AGBL4: variants seen among roughly 807,000 people sequenced by gnomAD.
The protein encoded by AGBL4 is cytosolic carboxypeptidase 6.
Under a neutral mutation model 66.4 loss-of-function variants are expected in AGBL4, and 58 were observed. That is an observed-to-expected ratio of 0.87 (90% CI 0.71 to 1.09). The LOEUF is 1.09. AGBL4 is among the 50% of genes least tolerant of loss of function. AGBL4 has a pLI of 0.00. For synonymous variants in AGBL4, 234 were observed against 222.9 expected (o/e 1.05, Z -0.44); for missense variants, 579 against 631.0 (o/e 0.92, Z 0.88).
intron 5 of AGBL4, among the ~76,000 whole-genome samples, chr1:49,029,360 G>C (rs1347393585): frequency 6.6e-6 from 1 of 152,028 alleles, no homozygotes; most frequent in Non-Finnish European, 1.5e-5. Context: ...GGTTCAGAAA[G>C]GTTGCAGAAT....
chr1:49,103,618 C>T (rs1645241726), intron 4 of AGBL4, among the ~76,000 whole-genome samples: 1 of 152,130 alleles, frequency 6.6e-6, no homozygotes, highest in South Asian at 2.1e-4. Context: ...TCTCACATCT[C>T]TCTGTTCATT....
chr1:48,602,110 A>G (rs534653651), intron 9 of AGBL4, among the ~76,000 whole-genome samples: 1 of 152,266 alleles, frequency 6.6e-6, no homozygotes, highest in African/African-American at 2.4e-5. Context: ...TGTGGCCTGA[A>G]TGCTTGGGGA....
At chr1:49,757,217 T>C (rs991381468) in intron 2 of AGBL4, among the ~76,000 whole-genome samples, 6 of 152,182 alleles carry the variant, frequency 3.9e-5, no homozygotes, top group African/African-American at 1.2e-4. Context: ...CCTTCTGCCA[T>C]GATTGTATAT....
intron 3 of AGBL4, among the ~76,000 whole-genome samples, chr1:49,536,357 T>G (rs1651581994): frequency 6.6e-6 from 1 of 152,160 alleles, no homozygotes; most frequent in South Asian, 2.1e-4. Context: ...AATTTTTATC[T>G]GTGTGTGTGC....
chr1:49,828,117 C>G (rs1308850364), intron 2 of AGBL4, among the ~76,000 whole-genome samples: 2 of 151,422 alleles, frequency 1.3e-5, no homozygotes, highest in Non-Finnish European at 2.9e-5. Flanking sequence ...GGCTAATAAC[C>G]AATGCAGTAA....
At chr1:48,794,084 G>A (rs1177152274) in intron 6 of AGBL4, among the ~76,000 whole-genome samples, 2 of 152,210 alleles carry the variant, frequency 1.3e-5, no homozygotes, top group African/African-American at 4.8e-5. Context: ...GTTTGAAAAG[G>A]TGGTTTTTGT....
intron 6 of AGBL4, among the ~76,000 whole-genome samples, chr1:48,821,562 G>T (rs12037154): frequency 0.5 from 76,219 of 151,958 alleles, 21,257 homozygotes; most frequent in Non-Finnish European, 0.64. Flanking sequence ...TGGATATAAA[G>T]ATGAAAATAA....
intron 3 of AGBL4, among the ~76,000 whole-genome samples, chr1:49,689,875 A>C (rs980772395): frequency 6.6e-6 from 1 of 152,176 alleles, no homozygotes; most frequent in African/African-American, 2.4e-5. Context: ...GACTGACTCC[A>C]ATTTTGAAAG....
chr1:48,880,157 A>C (rs1649641051), intron 5 of AGBL4, among the ~76,000 whole-genome samples: 1 of 152,062 alleles, frequency 6.6e-6, no homozygotes, highest in African/African-American at 2.4e-5. Context: ...CCATTGTGTC[A>C]TTGTTATCCC....
intron 3 of AGBL4, among the ~76,000 whole-genome samples, chr1:49,384,356 G>A (rs7530394): frequency 0.61 from 91,804 of 151,518 alleles, 28,495 homozygotes; most frequent in Non-Finnish European, 0.67. Context: ...CATTTTGGGA[G>A]GTCGAGGCGG....
chr1:48,940,239 G>A (rs560012161), intron 5 of AGBL4, among the ~76,000 whole-genome samples: 15 of 152,264 alleles, frequency 9.9e-5, no homozygotes, highest in African/African-American at 3.4e-4. Flanking sequence ...TTAGTGGGGC[G>A]TGGTGGCACA....
At chr1:49,396,304 A>T (rs1288511310) in intron 3 of AGBL4, among the ~76,000 whole-genome samples, 1 of 151,316 alleles carries the variant, frequency 6.6e-6, no homozygotes, top group Non-Finnish European at 1.5e-5. Context: ...ACTTCTAAGT[A>T]CCAAAAAATA....
At chr1:48,613,082 C>T (rs995915190) in intron 9 of AGBL4, among the ~76,000 whole-genome samples, 7 of 151,858 alleles carry the variant, frequency 4.6e-5, no homozygotes, top group Non-Finnish European at 7.4e-5. Flanking sequence ...TGCAGTGAAC[C>T]GAGATTGCAC....
Position 49,128,635 on chromosome 1 carries a change from C to T in AGBL4, c.378-82835G>A, listed in dbSNP as rs575867707. On this transcript the variant is annotated intron_variant, in intron 4 of 13. Coordinates refer to ENST00000371839, the MANE Select transcript of AGBL4 (RefSeq NM_032785.4). ...ATAAGGAAAGGATTGTTCCTTCAAC[C>T]GATGATGCTAGAACAACTGGATATC... Among the ~76,000 whole-genome samples the T allele has an allele frequency of 6.6e-5, 10 of 152,008 alleles. No individual in the cohort carries two copies. The South Asian group carries it at 8.3e-4, about 13-fold the overall frequency.
chr1:49,393,031 G>A (rs1250162365), intron 3 of AGBL4, among the ~76,000 whole-genome samples: 1 of 152,120 alleles, frequency 6.6e-6, no homozygotes, highest in African/African-American at 2.4e-5. Flanking sequence ...TTTAGCATGT[G>A]AGCATCAGTT....
intron 3 of AGBL4, among the ~76,000 whole-genome samples, chr1:49,379,667 A>C (rs1644551840): frequency 6.6e-6 from 1 of 152,102 alleles, no homozygotes; most frequent in Non-Finnish European, 1.5e-5. Context: ...TTCTTTTTAT[A>C]TGCTGGATTA....
intron 6 of AGBL4, among the ~76,000 whole-genome samples, chr1:48,791,022 T>C (rs1645536540): frequency 6.6e-6 from 1 of 152,170 alleles, no homozygotes; most frequent in African/African-American, 2.4e-5. Flanking sequence ...ATGTAGCCCC[T>C]TAACTTCCCG....
chr1:48,611,763 C>T (rs937719142), intron 9 of AGBL4, among the ~76,000 whole-genome samples: 1 of 152,190 alleles, frequency 6.6e-6, no homozygotes, highest in African/African-American at 2.4e-5. Context: ...AAGCATATGC[C>T]TTTAACCACC....
At chr1:49,182,350 C>A (rs1304722075) in intron 4 of AGBL4, among the ~76,000 whole-genome samples, 1 of 152,156 alleles carries the variant, frequency 6.6e-6, no homozygotes, top group East Asian at 1.9e-4. Context: ...CATATGGTAC[C>A]TTGTACCTAC....
Sources: allele counts gnomAD v4.1 joint callset (sites outside exome capture counted in the v4.1 genomes callset), GRCh38; gene constraint gnomAD v4.1.1; transcripts MANE v1.5; gene names NCBI Gene and HGNC (gene_info 2026-07-23, HGNC 2026-07-21).